SRGAP3: variants seen among roughly 807,000 people sequenced by gnomAD.
SRGAP3 encodes SLIT-ROBO Rho GTPase-activating protein 3.
In SRGAP3, 39 loss-of-function variants were observed where a neutral mutation model predicts 121.1. The observed-to-expected ratio is 0.32, with a 90% CI of 0.25 to 0.42. SRGAP3 has a LOEUF of 0.42. Among genes scored for constraint, SRGAP3 ranks in the 10% least tolerant of loss-of-function variants. SRGAP3 has a pLI of 1.00. For synonymous variants in SRGAP3, 601 were observed against 570.0 expected (o/e 1.05, Z -0.77); for missense variants, 1,213 against 1,470.6 (o/e 0.82, Z 2.86).
chr3:9,171,437 G>T (rs1950972254), intron 1 of SRGAP3, among the ~76,000 whole-genome samples: 1 of 152,198 alleles, frequency 6.6e-6, no homozygotes, highest in Non-Finnish European at 1.5e-5. Flanking sequence ...AACAGCACAG[G>T]ATTGCCCTGA....
chr3:9,140,981 T>C (rs1949825601), intron 1 of SRGAP3, among the ~76,000 whole-genome samples: 1 of 152,242 alleles, frequency 6.6e-6, no homozygotes, highest in African/African-American at 2.4e-5. Flanking sequence ...AAAATGTGAT[T>C]AGAGACCCAG....
intron 1 of SRGAP3, among the ~76,000 whole-genome samples, chr3:9,350,922 T>C (rs1175696889): frequency 6.6e-6 from 1 of 152,222 alleles, no homozygotes; most frequent in African/African-American, 2.4e-5. Context: ...TTATTATTTC[T>C]TGTCATCCCG....
At chr3:9,301,024 C>G (rs1955045943) in intron 3 of SRGAP3, among the ~76,000 whole-genome samples, 1 of 152,118 alleles carries the variant, frequency 6.6e-6, no homozygotes, top group Admixed American at 6.5e-5. Context: ...GCAGAGGGTA[C>G]CAGGAAGGTA....
chr3:9,162,696 G>A (rs1194358181), intron 1 of SRGAP3, among the ~76,000 whole-genome samples: 1 of 152,250 alleles, frequency 6.6e-6, no homozygotes, highest in Non-Finnish European at 1.5e-5. Context: ...GGGTGGGCAA[G>A]GCTAAGGAGC....
intron 1 of SRGAP3, among the ~76,000 whole-genome samples, chr3:9,344,960 C>G (rs1023814718): frequency 2.0e-5 from 3 of 151,954 alleles, no homozygotes; most frequent in Non-Finnish European, 2.9e-5. Flanking sequence ...TCACTTGAAC[C>G]TGGGAGACAG....
intron 3 of SRGAP3, among the ~76,000 whole-genome samples, chr3:9,313,486 C>T (rs1054185908): frequency 2.0e-5 from 3 of 151,752 alleles, no homozygotes; most frequent in East Asian, 1.9e-4. Flanking sequence ...GTCAGGAGTT[C>T]GAGACCAGCC....
At chr3:9,141,811 T>C (rs1427970335) in intron 1 of SRGAP3, among the ~76,000 whole-genome samples, 1 of 152,148 alleles carries the variant, frequency 6.6e-6, no homozygotes, top group Admixed American at 6.5e-5. Context: ...AGTTTCCAAA[T>C]AAACTCTTCA....
At chr3:9,133,613 T>G (rs193293318) in intron 1 of SRGAP3, among the ~76,000 whole-genome samples, 4 of 152,352 alleles carry the variant, frequency 2.6e-5, no homozygotes, top group Admixed American at 6.5e-5. Context: ...GCTGAACATT[T>G]AGGTTGTTTA....
At position 9,053,046 on chromosome 3, in the gene SRGAP3, G is replaced by A; in HGVS notation, c.1304C>T (p.Thr435Ile). ...ACTTACTGTAAAATAAAACATTTCT[G>A]TTTCCTGCTGGTTGGCTCTCCTCTT... Reference protein sequence around the residue: ...IAKRRANQQETEMFYFTKFKE... With the variant: ...IAKRRANQQEIEMFYFTKFKE... Residue 435 changes from threonine (T) to isoleucine (I), a missense_variant, in exon 9 of 22, where the codon ACA becomes ATA. Around this residue, in one of 2 missense-constraint regions of SRGAP3, gnomAD observed 793 missense variants for 1,032.9 expected, o/e 0.77. Coordinates refer to ENST00000383836, the MANE Select transcript of SRGAP3 (RefSeq NM_014850.4). 1 of 1,614,058 alleles carries A rather than the reference G, an allele frequency of 6.2e-7. No homozygotes were observed. Among genetic ancestry groups the A allele is most frequent in the African/African-American group, 1.3e-5 (1 of 75,038 alleles).
chr3:9,140,557 T>C (rs1295337408), intron 1 of SRGAP3, among the ~76,000 whole-genome samples: 1 of 152,216 alleles, frequency 6.6e-6, no homozygotes, highest in African/African-American at 2.4e-5. Flanking sequence ...GCAGACTTTT[T>C]CCACAAGGGG....
In SRGAP3 at chr3:9,267,081, C is replaced by T. The variant is rs950609284; in HGVS notation, n.442+58929G>A. 4.6e-5 allele frequency among the ~76,000 whole-genome samples: 7 copies of T among 152,274 alleles called. No homozygotes were observed. The South Asian group carries it at 1.2e-3, about 27-fold the overall frequency. On this transcript the variant is annotated intron_variant and non_coding_transcript_variant, in intron 3 of 3. Transcript: ENST00000490889. The stretch of plus-strand genomic sequence containing the variant: ...AATATATATTTTGCAAGTAAGGGTT[C>T]CTCCTGGACTCCATTTAAGCAGAGA...
chr3:9,199,962 C>T (rs1344542683), intron 1 of SRGAP3, among the ~76,000 whole-genome samples: 2 of 152,174 alleles, frequency 1.3e-5, no homozygotes, highest in Admixed American at 1.3e-4. Flanking sequence ...AGAAAAAAAT[C>T]AAGCCTTCAG....
At chr3:9,000,700 T>C (rs566874382) in intron 18 of SRGAP3, among the ~76,000 whole-genome samples, 1 of 152,300 alleles carries the variant, frequency 6.6e-6, no homozygotes, top group South Asian at 2.1e-4. Flanking sequence ...CCAGGAGAAC[T>C]CCTGGGATCA....
intron 17 of SRGAP3, among the ~76,000 whole-genome samples, chr3:9,012,777 T>A (rs1409849887): frequency 1.3e-5 from 2 of 152,202 alleles, no homozygotes; most frequent in African/African-American, 4.8e-5. Flanking sequence ...AGGTGATTAC[T>A]TCACCAGGCC....
chr3:9,052,564 A>G lies in SRGAP3; in HGVS notation c.1323+463T>C, dbSNP rs558063917. ...TCTCCTCCCAGTCCCTGTCCAAATG[A>G]AAGATAATTAACATGGGATTTTACA... On this transcript the variant is annotated intron_variant, in intron 9 of 21. Coordinates refer to ENST00000383836, the MANE Select transcript of SRGAP3 (RefSeq NM_014850.4). Among the ~76,000 whole-genome samples the G allele has an allele frequency of 5.9e-5, 9 of 152,300 alleles. No homozygotes were observed. In the South Asian group the frequency reaches 1.9e-3, roughly 32 times the overall value.
chr3:9,048,933 G>A (rs368849143), intron 9 of SRGAP3, among the ~76,000 whole-genome samples: 71 of 152,288 alleles, frequency 4.7e-4, no homozygotes, highest in African/African-American at 1.6e-3. Flanking sequence ...TAGAAAGGGG[G>A]CCACATGGGG....
intron 1 of SRGAP3, chr3:9,348,579 G>A (rs1955949268): frequency 1.2e-6 from 1 of 849,370 alleles, no homozygotes; most frequent in South Asian, 1.3e-5. Flanking sequence ...CAGGTGCTGT[G>A]AGAAGCCGGC....
intron 1 of SRGAP3, among the ~76,000 whole-genome samples, chr3:9,131,433 CTT>C (rs869155697): frequency 1.1e-5 from 1 of 90,212 alleles, no homozygotes. Context: ...AGATCTAATT[CTT>C]TTTTTTTTTT....
intron 3 of SRGAP3, among the ~76,000 whole-genome samples, chr3:9,089,031 T>C (rs1212708415): frequency 1.3e-5 from 2 of 152,048 alleles, no homozygotes; most frequent in Non-Finnish European, 2.9e-5. Flanking sequence ...GGTCCATGTT[T>C]CACTAGCTTT....
Sources: allele counts gnomAD v4.1 joint callset (sites outside exome capture counted in the v4.1 genomes callset), GRCh38; gene constraint gnomAD v4.1.1; regional missense constraint gnomAD v4.1.1; transcripts MANE v1.5; gene names NCBI Gene and HGNC (gene_info 2026-07-23, HGNC 2026-07-21).